The following GUCY1A2 variants were observed in gnomAD, a reference collection of about 807,000 sequenced individuals.
GUCY1A2 encodes the protein guanylate cyclase 1 soluble subunit alpha 2, also known as guanylate cyclase soluble subunit alpha-2.
Under a neutral mutation model 63.5 loss-of-function variants are expected in GUCY1A2, and 27 were observed. The observed-to-expected ratio is 0.43, with a 90% CI of 0.31 to 0.59. The LOEUF is 0.59. Among genes scored for constraint, GUCY1A2 ranks in the 20% least tolerant of loss-of-function variants. The pLI, the probability that GUCY1A2 is intolerant of heterozygous loss-of-function variation, is 0.11. For synonymous variants in GUCY1A2, 364 were observed against 343.5 expected, an observed-to-expected ratio of 1.06 and a Z score of -0.66; for missense variants, 768 against 913.3, an observed-to-expected ratio of 0.84 and a Z score of 2.05.
chr11:106,816,108 C>T (rs756249708), intron 4 of GUCY1A2, among the ~76,000 whole-genome samples: 9 of 145,742 alleles, frequency 6.2e-5, no homozygotes, highest in East Asian at 4.0e-4. Flanking sequence ...TCTACAAATA[C>T]GATCTAATTA....
intron 4 of GUCY1A2, among the ~76,000 whole-genome samples, chr11:106,902,652 G>A (rs945374279): frequency 3.3e-5 from 5 of 151,870 alleles, no homozygotes; most frequent in East Asian, 3.9e-4. Context: ...ATTTATAATC[G>A]GCCATCAACA....
rs947928819 is a variant in GUCY1A2, at chr11:106,684,839, A to G, written c.*2710T>C. ...GGTAATAGTTTGTAAGTAAGTGAGA[A>G]TACTGTATAGATAAAAGTCATATGA... On this transcript the variant is annotated 3_prime_UTR_variant, in exon 8 of 8. Transcript: ENST00000526355. 12 of 208,724 alleles carry G rather than the reference A, an allele frequency of 5.7e-5. No individual in the cohort carries two copies. The highest frequency in any genetic ancestry group is 1.1e-4 in the Non-Finnish European group (11 of 102,402). 12.9% of individuals were successfully genotyped at this position (208,724 alleles called of 1,614,324 possible).
intron 6 of GUCY1A2, among the ~76,000 whole-genome samples, chr11:106,744,805 C>A (rs919317128): frequency 7.9e-5 from 12 of 152,064 alleles, no homozygotes; most frequent in Non-Finnish European, 1.6e-4. Context: ...TAATTGTGTA[C>A]CTCATTAAAA....
intron 1 of GUCY1A2, among the ~76,000 whole-genome samples, chr11:107,014,492 G>A (rs1378607122): frequency 6.6e-6 from 1 of 151,944 alleles, no homozygotes; most frequent in Non-Finnish European, 1.5e-5. Flanking sequence ...CATTGTTCAA[G>A]GCAAAATTAG....
At chr11:106,892,894 GT>G (rs1859993810) in intron 4 of GUCY1A2, among the ~76,000 whole-genome samples, 3 of 152,094 alleles carry the variant, frequency 2.0e-5, no homozygotes, top group African/African-American at 7.2e-5. Context: ...ACACTGAAAA[GT>G]AATTATTCCT....
chr11:106,786,726 C>T (rs1376395686), intron 5 of GUCY1A2, among the ~76,000 whole-genome samples: 2 of 152,136 alleles, frequency 1.3e-5, no homozygotes, highest in African/African-American at 2.4e-5. Flanking sequence ...AACACTAGGG[C>T]TCCAGTTTCC....
chr11:106,820,304 A>G (rs1245465702), intron 4 of GUCY1A2, among the ~76,000 whole-genome samples: 1 of 152,136 alleles, frequency 6.6e-6, no homozygotes, highest in East Asian at 1.9e-4. Flanking sequence ...TACCAATACT[A>G]TGGTCTTCCT....
intron 4 of GUCY1A2, among the ~76,000 whole-genome samples, chr11:106,927,500 T>C (rs967308714): frequency 2.0e-5 from 3 of 152,132 alleles, no homozygotes; most frequent in Admixed American, 6.6e-5. Flanking sequence ...TGAGTTGACA[T>C]AGAATGTAAA....
At chr11:106,834,228 C>T (rs936049256) in intron 4 of GUCY1A2, among the ~76,000 whole-genome samples, 1 of 151,950 alleles carries the variant, frequency 6.6e-6, no homozygotes, top group African/African-American at 2.4e-5. Flanking sequence ...ATACCCCAAC[C>T]CCTTGTAACT....
chr11:106,827,156 C>G, intron 4 of GUCY1A2: 1 of 1,495,212 alleles, frequency 6.7e-7, no homozygotes. Context: ...TCTTTTGTTC[C>G]TTTAAGATTC....
intron 1 of GUCY1A2, among the ~76,000 whole-genome samples, chr11:107,003,575 A>G (rs192645658): frequency 5.3e-5 from 8 of 152,256 alleles, no homozygotes; most frequent in Non-Finnish European, 4.4e-5. Flanking sequence ...TCAATCCTCT[A>G]TTTATTAAAT....
Position 106,782,422 on chromosome 11 carries a change from A to C in GUCY1A2, c.1693-5840T>G, listed in dbSNP as rs371629106. Reference sequence around the variant, plus strand: ...TTTCTCTCTTAGTATCTCACAGAGCACCTGGACACCTCATCATGCTCAGGT... The same window carrying C: ...TTTCTCTCTTAGTATCTCACAGAGCCCCTGGACACCTCATCATGCTCAGGT... On this transcript the variant is annotated intron_variant, in intron 5 of 7. Coordinates refer to ENST00000526355, the MANE Select transcript of GUCY1A2 (RefSeq NM_000855.3). 9.8e-5 allele frequency among the ~76,000 whole-genome samples: 15 copies of C among 152,302 alleles called. No individual in the cohort carries two copies. The East Asian group carries it at 1.4e-3, about 14-fold the overall frequency.
chr11:106,991,915 T>A (rs986396039), intron 1 of GUCY1A2, among the ~76,000 whole-genome samples: 5 of 152,222 alleles, frequency 3.3e-5, no homozygotes, highest in Non-Finnish European at 5.9e-5. Context: ...AAGCCCTCTA[T>A]GTATATGAAC....
intron 5 of GUCY1A2, among the ~76,000 whole-genome samples, chr11:106,801,307 C>G (rs1267324284): frequency 6.6e-6 from 1 of 152,030 alleles, no homozygotes; most frequent in East Asian, 1.9e-4. Flanking sequence ...TCTTTTCAGC[C>G]TCATAACAGT....
At position 106,683,140 on chromosome 11, in the gene GUCY1A2, G is replaced by C. The variant is rs1043039187; in HGVS notation, c.*4409C>G. ...CTGCCCATAAATCGTTTAGAAATAT[G>C]TTAAACTTCAATAATTCAGTCTCAT... On this transcript the variant is annotated 3_prime_UTR_variant, in exon 8 of 8. Transcript: ENST00000526355. The C allele has an allele frequency of 5.6e-5, 12 of 215,348 alleles. No homozygotes were observed. Among genetic ancestry groups the C allele is most frequent in the African/African-American group, 2.7e-4 (12 of 44,340 alleles). The allele number at this position is 215,348 out of a possible 1,614,324, so 13.3% of individuals were successfully genotyped here.
In GUCY1A2 at chr11:106,816,513, C is replaced by T. The variant is rs189853107; in HGVS notation, c.1207-6035G>A. Among the ~76,000 whole-genome samples, 11 of 151,160 alleles carry T rather than the reference C, an allele frequency of 7.3e-5. 1 individual carries two copies. The highest frequency in any genetic ancestry group is 2.0e-4 in the East Asian group (1 of 5,096). On this transcript the variant is annotated intron_variant, in intron 4 of 7. Transcript: ENST00000526355. ...TTATAATCAAGGCGAGAACAAATCA[C>T]GAATCAATAATCTAAGTGTCTACCT...
intron 4 of GUCY1A2, among the ~76,000 whole-genome samples, chr11:106,857,726 T>A (rs1242401518): frequency 6.6e-6 from 1 of 152,110 alleles, no homozygotes; most frequent in African/African-American, 2.4e-5. Context: ...ATAGATAGAC[T>A]TTTTTCTTGT....
At position 106,680,117 on chromosome 11, in the gene GUCY1A2, C is replaced by T. The variant is rs1207785518; in HGVS notation, c.*7432G>A. On this transcript the variant is annotated 3_prime_UTR_variant, in exon 8 of 8. Transcript: ENST00000526355. ...AAAAAACTAACTCTCTTTGCTTCAT[C>T]TCTTCTAAAGCTCCTGCCCACCTCA... is the stretch of plus-strand genomic sequence containing the variant. The T allele has an allele frequency of 1.4e-5, 3 of 215,408 alleles. No individual in the cohort carries two copies. The highest frequency in any genetic ancestry group is 6.8e-5 in the African/African-American group (3 of 44,314). The allele number at this position is 215,408 out of a possible 1,614,324, so 13.3% of individuals were successfully genotyped here. A position where few individuals can be genotyped will look rare whatever the true frequency, so the allele number is the denominator to read the frequency against.
At chr11:106,842,947 G>T (rs768492322) in intron 4 of GUCY1A2, among the ~76,000 whole-genome samples, 4 of 151,830 alleles carry the variant, frequency 2.6e-5, no homozygotes, top group African/African-American at 4.8e-5. Context: ...TGGCTGAAAG[G>T]GTAGGACTCA....
Sources: gnomAD v4.1 joint callset for allele counts (sites outside exome capture counted in the v4.1 genomes callset) on GRCh38, gnomAD v4.1.1 for gene constraint, MANE v1.5 for transcripts, NCBI Gene and HGNC (gene_info 2026-07-23, HGNC 2026-07-21) for gene names.